The following ADD2 variants were observed in gnomAD, a reference collection of about 807,000 sequenced individuals.
ADD2 encodes the protein beta-adducin.
In ADD2, 23 loss-of-function variants were observed where a neutral mutation model predicts 83.0. The observed-to-expected ratio is 0.28, with a 90% CI of 0.20 to 0.39. The LOEUF (loss-of-function observed/expected upper bound fraction) is 0.39, where lower values mean the gene tolerates loss of function less well. ADD2 is among the 10% of genes least tolerant of loss of function. The pLI, the probability that ADD2 is intolerant of heterozygous loss-of-function variation, is 1.00. For missense variants in ADD2, 758 were observed against 944.9 expected (o/e 0.80, Z 2.59); for synonymous variants, 375 against 375.4 (o/e 1.00, Z 0.01).
At chr2:70,745,025 G>C (rs1042724879) in intron 1 of ADD2, among the ~76,000 whole-genome samples, 1 of 152,152 alleles carries the variant, frequency 6.6e-6, no homozygotes, top group African/African-American at 2.4e-5. Flanking sequence ...GGTGGCTCAC[G>C]ATTGTAATCC....
intron 9 of ADD2, among the ~76,000 whole-genome samples, chr2:70,687,583 C>T (rs941739800): frequency 3.0e-5 from 4 of 135,344 alleles, no homozygotes; most frequent in African/African-American, 1.1e-4. Flanking sequence ...CAAACCAACC[C>T]CCTCCCCTCA....
chr2:70,762,787 C>T (rs1675188525), intron 1 of ADD2, among the ~76,000 whole-genome samples: 1 of 148,820 alleles, frequency 6.7e-6, no homozygotes, highest in Non-Finnish European at 1.5e-5. Flanking sequence ...CTCACTGCAA[C>T]CTCCGCCTCC....
At chr2:70,763,524 T>C (rs1474031391) in intron 1 of ADD2, among the ~76,000 whole-genome samples, 8 of 152,120 alleles carry the variant, frequency 5.3e-5, no homozygotes, top group Admixed American at 2.6e-4. Context: ...CCTAAGTCAC[T>C]TTTATTAAAA....
intron 1 of ADD2, among the ~76,000 whole-genome samples, chr2:70,735,625 T>G (rs1673507082): frequency 6.6e-6 from 1 of 151,884 alleles, no homozygotes; most frequent in African/African-American, 2.4e-5. Flanking sequence ...TGTGCAAATG[T>G]AAAACCTCAT....
At chr2:70,677,018 G>A (rs531807741) in intron 12 of ADD2, 133 bp from the exon 13 acceptor site, 7 of 1,402,782 alleles carry the variant, frequency 5.0e-6, no homozygotes, top group Middle Eastern at 1.9e-4. Flanking sequence ...CTATCCTAAT[G>A]CAATCCTTGT....
intron 1 of ADD2, among the ~76,000 whole-genome samples, chr2:70,726,391 C>T (rs1465871213): frequency 6.6e-6 from 1 of 152,092 alleles, no homozygotes; most frequent in Non-Finnish European, 1.5e-5. Flanking sequence ...GCACTTGTCC[C>T]TGGGATCAAT....
intron 6 of ADD2, among the ~76,000 whole-genome samples, chr2:70,692,775 C>G (rs149035953): frequency 6.6e-6 from 1 of 152,184 alleles, no homozygotes. Context: ...AGGAGAAATG[C>G]GAGAGCAGAG....
At chr2:70,668,922 C>T (rs1574215175) in intron 15 of ADD2, among the ~76,000 whole-genome samples, 1 of 152,190 alleles carries the variant, frequency 6.6e-6, no homozygotes, top group Admixed American at 6.5e-5. Context: ...CAGATGGATC[C>T]TGACCTACAT....
rs76053340 is a variant in ADD2, at chr2:70,732,775, A to G, written c.-153-19591T>C. On this transcript the variant is annotated intron_variant, in intron 1 of 15. Coordinates refer to ENST00000264436, the MANE Select transcript of ADD2 (RefSeq NM_001617.4). ...AGAAGTCAGTGTCTTTCCTTTGGGG[A>G]GATGAAGGAAACAAAGGAACTGTTT... Among the ~76,000 whole-genome samples, 280 of 152,196 alleles carry G rather than the reference A, an allele frequency of 1.8e-3. 2 individuals are homozygous for G. The highest frequency in any genetic ancestry group is 6.4e-3 in the African/African-American group (264 of 41,530).
chr2:70,728,515 T>A (rs1673123371), intron 1 of ADD2, among the ~76,000 whole-genome samples: 1 of 152,186 alleles, frequency 6.6e-6, no homozygotes, highest in Non-Finnish European at 1.5e-5. Flanking sequence ...GTGCACTAGG[T>A]GAATGGATAC....
chr2:70,767,852 G>A, intron 1 of ADD2, 34 bp downstream of exon 1: 1 of 1,534,716 alleles, frequency 6.5e-7, no homozygotes. Flanking sequence ...AGCGACCCCA[G>A]GCAGCCCACC....
At chr2:70,663,831 A>T in intron 15 of ADD2, 96 bp from the exon 16 acceptor site, 1 of 1,330,640 alleles carries the variant, frequency 7.5e-7, no homozygotes, top group Non-Finnish European at 1.0e-6. Flanking sequence ...ATTCTATAAA[A>T]TCAATCCAGA....
rs1419618652 is a variant in ADD2, at chr2:70,658,057, C to A, written c.*5368G>T. ...ATCAATATAGCCAAACCTAATATCA[C>A]CTAAGTATGAACCAATGCGACCCAT... On this transcript the variant is annotated 3_prime_UTR_variant, in exon 16 of 16. Coordinates refer to ENST00000264436, the MANE Select transcript of ADD2 (RefSeq NM_001617.4). 1 of 152,200 alleles carries A rather than the reference C, an allele frequency of 6.6e-6. No individual in the cohort carries two copies. Among genetic ancestry groups the A allele is most frequent in the Non-Finnish European group, 1.5e-5 (1 of 68,044 alleles). 9.4% of individuals were successfully genotyped at this position (152,200 alleles called of 1,614,324 possible). A position where few individuals can be genotyped will look rare whatever the true frequency, so the allele number is the denominator to read the frequency against.
intron 8 of ADD2, among the ~76,000 whole-genome samples, chr2:70,690,562 A>C (rs148508425): frequency 5.3e-5 from 8 of 152,336 alleles, no homozygotes; most frequent in Non-Finnish European, 1.0e-4. Flanking sequence ...TAATTACTAT[A>C]TATTGCTGAG....
chr2:70,722,273 T>A (rs1487239729), intron 1 of ADD2, among the ~76,000 whole-genome samples: 1 of 152,228 alleles, frequency 6.6e-6, no homozygotes, highest in Non-Finnish European at 1.5e-5. Flanking sequence ...TATCTCTGAT[T>A]GATTGGCACA....
At chr2:70,665,217 G>A (rs1422208575) in intron 15 of ADD2, among the ~76,000 whole-genome samples, 1 of 152,138 alleles carries the variant, frequency 6.6e-6, no homozygotes. Flanking sequence ...TTACATGGAG[G>A]ATGGGACAGA....
chr2:70,712,966 C>T, intron 2 of ADD2, 100 bp downstream of exon 2: 1 of 311,152 alleles, frequency 3.2e-6, no homozygotes, highest in Non-Finnish European at 4.7e-6. Context: ...TGTCTGGAAG[C>T]TCATCCTCAT....
At position 70,768,028 on chromosome 2, in the gene ADD2, G is replaced by A; in HGVS notation, c.-296C>T. Reference sequence around the variant, plus strand: ...GTTTTCTGCCCATGCTGCAGCCCGCGCTCGTCAGAGCTGCTGGGAGATCCC... The same window carrying A: ...GTTTTCTGCCCATGCTGCAGCCCGCACTCGTCAGAGCTGCTGGGAGATCCC... On this transcript the variant is annotated 5_prime_UTR_variant, in exon 1 of 16. Transcript: ENST00000264436. The A allele has an allele frequency of 6.8e-6, 10 of 1,479,182 alleles. No homozygotes were observed. Among genetic ancestry groups the A allele is most frequent in the Non-Finnish European group, 8.1e-6 (9 of 1,106,486 alleles). 91.6% of individuals were successfully genotyped at this position (1,479,182 alleles called of 1,614,324 possible).
At chr2:70,702,638 C>T (rs1553373638) in intron 4 of ADD2, among the ~76,000 whole-genome samples, 1 of 148,174 alleles carries the variant, frequency 6.7e-6, no homozygotes, top group East Asian at 2.0e-4. Flanking sequence ...TACACAGAAA[C>T]TAAAGAATTC....
Sources: gnomAD v4.1 joint callset for allele counts (sites outside exome capture counted in the v4.1 genomes callset) on GRCh38, gnomAD v4.1.1 for gene constraint, MANE v1.5 for transcripts, NCBI Gene and HGNC (gene_info 2026-07-23, HGNC 2026-07-21) for gene names.